The following HOXD3 variants were observed in gnomAD, a reference collection of about 807,000 sequenced individuals.
The protein encoded by HOXD3 is homeobox protein Hox-D3.
In HOXD3, 13 loss-of-function variants were observed where a neutral mutation model predicts 32.8. That is an observed-to-expected ratio of 0.40 (90% CI 0.26 to 0.63). HOXD3 has a LOEUF of 0.63. Ranked by LOEUF, HOXD3 falls within the 20% of genes least tolerant of loss-of-function variation. HOXD3 has a pLI of 0.44. For synonymous variants in HOXD3, 241 were observed against 246.8 expected (o/e 0.98, Z 0.22); for missense variants, 504 against 577.1 (o/e 0.87, Z 1.30).
intron 1 of HOXD3, chr2:176,160,834 CA>C (rs914797764): frequency 1.3e-5 from 2 of 152,240 alleles, no homozygotes; most frequent in African/African-American, 4.8e-5. Flanking sequence ...GATGGGCGCG[CA>C]GCGCAGGCGA....
rs1217925935 is a variant in HOXD3, at chr2:176,171,571, C to T, written c.596C>T (p.Thr199Met). The T allele has an allele frequency of 1.2e-6, 2 of 1,611,850 alleles. No homozygotes were observed. The highest frequency in any genetic ancestry group is 2.7e-5 in the African/African-American group (2 of 74,924). Reference sequence around the variant, plus strand: ...GGCCCAGCATCCAAGCGGGTACGCACGGCATACACGAGCGCGCAGCTGGTG... The same window carrying T: ...GGCCCAGCATCCAAGCGGGTACGCATGGCATACACGAGCGCGCAGCTGGTG... ...PPGPASKRVR[T>M]AYTSAQLVEL... The change falls in exon 4 of 4, where the codon ACG becomes ATG. Residue 199 changes from threonine (T) to methionine (M), a missense_variant. Thr to Met is a moderately conservative substitution (Grantham distance 81, BLOSUM62 -1). Around this residue, in one of 3 missense-constraint regions of HOXD3, gnomAD observed 97 missense variants for 158.0 expected, o/e 0.61. Coordinates refer to ENST00000683222, the MANE Select transcript of HOXD3 (RefSeq NM_006898.5).
upstream of HOXD3, among the ~76,000 whole-genome samples, chr2:176,154,137 T>C (rs903472780): frequency 6.6e-6 from 1 of 152,190 alleles, no homozygotes; most frequent in African/African-American, 2.4e-5. Context: ...CCTGAAGTTT[T>C]AATTTTTTTA....
At chr2:176,154,635 G>A (rs1442699471), upstream of HOXD3, among the ~76,000 whole-genome samples, 3 of 152,208 alleles carry the variant, frequency 2.0e-5, no homozygotes, top group Non-Finnish European at 2.9e-5. Context: ...TTCTTTGGCT[G>A]TGTCTCCTGA....
At chr2:176,170,344 G>C (rs1032791005) in intron 3 of HOXD3, among the ~76,000 whole-genome samples, 4 of 152,188 alleles carry the variant, frequency 2.6e-5, no homozygotes, top group Non-Finnish European at 5.9e-5. Flanking sequence ...GGAGGTGCCT[G>C]TCCTAGTAGG....
chr2:176,165,215 A>G (rs1449314041), intron 2 of HOXD3: 4 of 152,224 alleles, frequency 2.6e-5, no homozygotes, highest in Non-Finnish European at 5.9e-5. Flanking sequence ...CCGTGGTCGC[A>G]GTCATAAATT....
In HOXD3 at chr2:176,164,128, T is replaced by TA; in HGVS notation, c.-122dup. The TA allele has an allele frequency of 6.6e-6, 1 of 151,290 alleles. No homozygotes were observed. Among genetic ancestry groups the TA allele is most frequent in the Middle Eastern group, 3.4e-3 (1 of 290 alleles). 9.4% of individuals were successfully genotyped at this position (151,290 alleles called of 1,614,324 possible). ...GAAGAGCCTACAAAAAAAAAAGAGATAAAGACAAAATTCAAGAAAACACAC... is the reference window on the plus strand; with the variant it reads ...GAAGAGCCTACAAAAAAAAAAGAGATAAAAGACAAAATTCAAGAAAACACAC... On this transcript the variant is annotated 5_prime_UTR_variant, in exon 2 of 4. Transcript: ENST00000683222.
At chr2:176,171,270 G>C (rs1001154091) in intron 3 of HOXD3, among the ~76,000 whole-genome samples, 1 of 152,176 alleles carries the variant, frequency 6.6e-6, no homozygotes, top group Non-Finnish European at 1.5e-5. Context: ...AGGGTGGGCA[G>C]AGTGAACTGG....
At position 176,158,590 on chromosome 2, in the gene HOXD3, T is replaced by TTG. The variant is rs758297802; in HGVS notation, c.-181+1152_-181+1153dup. On this transcript the variant is annotated intron_variant, in intron 1 of 3. Coordinates refer to ENST00000683222, the MANE Select transcript of HOXD3 (RefSeq NM_006898.5). The stretch of plus-strand genomic sequence containing the variant: ...TTTGGGATTATGTGTGCGTGTGTGT[T>TTG]TGTGTGTGTGTGTGTTTTCATTTAT... Among the ~76,000 whole-genome samples the TTG allele has an allele frequency of 1.1e-4, 17 of 151,908 alleles. No homozygotes were observed. The East Asian group carries it at 1.2e-3, about 10-fold the overall frequency.
intron 2 of HOXD3, among the ~76,000 whole-genome samples, chr2:176,167,752 A>G (rs1309572064): frequency 8.1e-6 from 1 of 123,492 alleles, no homozygotes; most frequent in Admixed American, 9.6e-5. Flanking sequence ...TAGGACTTTC[A>G]TTTCCCATCA....
At chr2:176,163,589 G>C in intron 1 of HOXD3, among the ~76,000 whole-genome samples, 1 of 152,156 alleles carries the variant, frequency 6.6e-6, no homozygotes, top group East Asian at 1.9e-4. Flanking sequence ...AGGCTCTGTA[G>C]AGCAGCCCCT....
At chr2:176,156,563 C>A (rs960032366), upstream of HOXD3, among the ~76,000 whole-genome samples, 2 of 152,106 alleles carry the variant, frequency 1.3e-5, no homozygotes, top group Non-Finnish European at 2.9e-5. Flanking sequence ...GCTGCTCTGA[C>A]CTGACCCCCG....
chr2:176,167,674 T>C (rs964155911), intron 2 of HOXD3, among the ~76,000 whole-genome samples: 1 of 138,980 alleles, frequency 7.2e-6, no homozygotes, highest in Admixed American at 7.3e-5. Context: ...TGAAACCAGG[T>C]GGGGGGAGAC....
chr2:176,152,923 C>T (rs374609255), upstream of HOXD3: 2 of 1,614,204 alleles, frequency 1.2e-6, no homozygotes, highest in Non-Finnish European at 1.7e-6. The surrounding 1 kb of genome is among the most constrained non-coding windows in gnomAD (Gnocchi z 5.2). Flanking sequence ...GACCACCACA[C>T]GGACCTGACG....
In HOXD3 at chr2:176,169,433, C is replaced by G. The variant is rs1691102150; in HGVS notation, c.319C>G (p.Pro107Ala). Residue 107 changes from proline to alanine, a missense_variant, in exon 3 of 4, where the codon CCT (proline) becomes GCT (alanine). Physicochemically the swap from Pro to Ala is conservative, Grantham distance 27. This residue lies in a region of HOXD3 where 181 missense variants were observed against 172.2 expected (regional missense o/e 1.05). Coordinates refer to ENST00000683222, the MANE Select transcript of HOXD3 (RefSeq NM_006898.5). ...NSQGGGGGSQ[P>A]PGLNSEQQPP... ...CCAGGGTGGGGGTGGTGGCAGCCAG[C>G]CTCCTGGTCTGAACTCAGAGCAGCA... 7 of 1,613,392 alleles carry G rather than the reference C, an allele frequency of 4.3e-6. No individual in the cohort carries two copies. Among genetic ancestry groups the G allele is most frequent in the Non-Finnish European group, 5.9e-6 (7 of 1,179,674 alleles).
intron 2 of HOXD3, chr2:176,165,177 T>C (rs1034373699): frequency 2.0e-5 from 3 of 152,246 alleles, no homozygotes; most frequent in African/African-American, 7.2e-5. Flanking sequence ...GTTTTTCTTT[T>C]CATTCCTTAC....
chr2:176,153,179 C>T, upstream of HOXD3: 2 of 555,316 alleles, frequency 3.6e-6, no homozygotes, highest in Non-Finnish European at 3.2e-6. Flanking sequence ...ATGGCAGGAG[C>T]TACTGAGAAC....
intron 1 of HOXD3, among the ~76,000 whole-genome samples, chr2:176,163,782 A>G (rs895817863): frequency 3.3e-5 from 5 of 152,058 alleles, no homozygotes; most frequent in Non-Finnish European, 5.9e-5. Context: ...AGGAGAGCAG[A>G]TTGGCTTCCC....
chr2:176,153,012 C>T (rs1161355579), upstream of HOXD3: 1 of 1,442,396 alleles, frequency 6.9e-7, no homozygotes, highest in African/African-American at 1.4e-5. Flanking sequence ...CAGGCCGGGC[C>T]TGCTGTCACC....
upstream of HOXD3, among the ~76,000 whole-genome samples, chr2:176,155,152 A>C (rs931415304): frequency 6.6e-6 from 1 of 152,200 alleles, no homozygotes; most frequent in Non-Finnish European, 1.5e-5. Flanking sequence ...GCAAGTTGGA[A>C]AGTTGCTAAG....
Sources: gnomAD v4.1 joint callset for allele counts (sites outside exome capture counted in the v4.1 genomes callset) on GRCh38, gnomAD v4.1.1 for gene constraint, gnomAD v4.1.1 regional missense constraint, Gnocchi (gnomAD v3.1) non-coding constraint, MANE v1.5 for transcripts, NCBI Gene and HGNC (gene_info 2026-07-23, HGNC 2026-07-21) for gene names.